The following EPB41L2 variants were observed in gnomAD, a reference collection of about 807,000 sequenced individuals.
EPB41L2 encodes erythrocyte membrane protein band 4.1 like 2.
Under a neutral mutation model 113.0 loss-of-function variants are expected in EPB41L2, and 43 were observed. That is an observed-to-expected ratio of 0.38 (90% CI 0.30 to 0.49). The LOEUF is 0.49. Among genes scored for constraint, EPB41L2 ranks in the 20% least tolerant of loss-of-function variants. The probability of loss-of-function intolerance (pLI) is 0.95; values close to 1 mark genes in which losing one functional copy is unlikely to be tolerated. For synonymous variants in EPB41L2, 442 were observed against 436.7 expected (o/e 1.01, Z -0.15); for missense variants, 1,147 against 1,223.4 (o/e 0.94, Z 0.93).
intron 11 of EPB41L2, among the ~76,000 whole-genome samples, chr6:130,886,884 T>C (rs985259068): frequency 1.3e-5 from 2 of 152,114 alleles, no homozygotes; most frequent in African/African-American, 4.8e-5. Context: ...CTGCCCTCCT[T>C]GGCCTCCTAA....
At chr6:131,036,956 T>C (rs953390472) in intron 1 of EPB41L2, among the ~76,000 whole-genome samples, 2 of 152,144 alleles carry the variant, frequency 1.3e-5, no homozygotes, top group Non-Finnish European at 2.9e-5. Flanking sequence ...GGTAAGTCGC[T>C]CTTAGGTTGC....
intron 1 of EPB41L2, among the ~76,000 whole-genome samples, chr6:130,988,878 CAGG>C: frequency 6.6e-6 from 1 of 152,298 alleles, no homozygotes; most frequent in East Asian, 1.9e-4. Flanking sequence ...CACCTGAGGT[CAGG>C]AGTTCAAGAC....
At chr6:130,843,965 A>G (rs1776259837) in intron 19 of EPB41L2, among the ~76,000 whole-genome samples, 1 of 152,198 alleles carries the variant, frequency 6.6e-6, no homozygotes. Context: ...CCCGAAAAGC[A>G]CAATCTTTGA....
At chr6:131,008,712 T>C (rs1022130098) in intron 1 of EPB41L2, among the ~76,000 whole-genome samples, 1 of 152,234 alleles carries the variant, frequency 6.6e-6, no homozygotes, top group African/African-American at 2.4e-5. Context: ...AACTCTTGCA[T>C]CATGATCTGG....
rs145216909 is a variant in EPB41L2, at chr6:130,927,597, G to A, written c.706-888C>T. Among the ~76,000 whole-genome samples, 346 of 152,202 alleles carry A rather than the reference G, an allele frequency of 2.3e-3. 1 individual carries two copies. Among genetic ancestry groups the A allele is most frequent in the African/African-American group, 7.6e-3 (317 of 41,522 alleles). ...CATCAGACTTTTCCATCCTCAAAAC[G>A]AATGCCCTCTCACTATCAAAATGTG... On this transcript the variant is annotated intron_variant, in intron 3 of 19. Coordinates refer to ENST00000337057, the MANE Select transcript of EPB41L2 (RefSeq NM_001431.4).
At chr6:130,876,100 G>C (rs1787485121) in intron 14 of EPB41L2, among the ~76,000 whole-genome samples, 1 of 152,110 alleles carries the variant, frequency 6.6e-6, no homozygotes, top group South Asian at 2.1e-4. Flanking sequence ...TGACCACCTG[G>C]CTAAGTAAAA....
At chr6:130,895,390 G>A (rs1294226156) in intron 8 of EPB41L2, among the ~76,000 whole-genome samples, 1 of 152,210 alleles carries the variant, frequency 6.6e-6, no homozygotes, top group Non-Finnish European at 1.5e-5. Flanking sequence ...TAATGCATAT[G>A]TTCTCAAGCT....
intron 1 of EPB41L2, among the ~76,000 whole-genome samples, chr6:131,054,613 G>A (rs113689195): frequency 1.9e-4 from 29 of 152,288 alleles, no homozygotes; most frequent in Admixed American, 5.2e-4. Context: ...CTGTTCGGGC[G>A]CCACTTGTGG....
At chr6:130,908,168 AG>A (rs1236191051) in intron 5 of EPB41L2, among the ~76,000 whole-genome samples, 2 of 152,248 alleles carry the variant, frequency 1.3e-5, no homozygotes, top group Non-Finnish European at 2.9e-5. Context: ...CAGAACGTAT[AG>A]AGAGAACTGA....
intron 5 of EPB41L2, 152 bp downstream of exon 5, chr6:130,908,669 C>T: frequency 1.9e-6 from 1 of 516,142 alleles, no homozygotes; most frequent in Non-Finnish European, 3.3e-6. Flanking sequence ...ATGTACGAAA[C>T]AGTCACAATT....
rs371088370 is a variant in EPB41L2, at chr6:130,924,201, T to G, written c.810+2404A>C. Among the ~76,000 whole-genome samples the G allele has an allele frequency of 2.2e-4, 34 of 152,340 alleles. 1 individual carries two copies. The highest frequency in any genetic ancestry group is 6.7e-4 in the African/African-American group (28 of 41,576). On this transcript the variant is annotated intron_variant, in intron 4 of 19. Coordinates refer to ENST00000337057, the MANE Select transcript of EPB41L2 (RefSeq NM_001431.4). Reference sequence around the variant, plus strand: ...TAGGTATTGATATGTACATACATATTCCATTGTATGTATACACCACATTTT... The same window carrying G: ...TAGGTATTGATATGTACATACATATGCCATTGTATGTATACACCACATTTT...
chr6:131,047,372 T>G (rs960119807), intron 1 of EPB41L2, among the ~76,000 whole-genome samples: 2 of 152,132 alleles, frequency 1.3e-5, no homozygotes, highest in African/African-American at 4.8e-5. Flanking sequence ...AAAATAAAAG[T>G]GCCTATAGAA....
At chr6:130,885,743 C>G (rs1790739826) in intron 11 of EPB41L2, among the ~76,000 whole-genome samples, 1 of 152,032 alleles carries the variant, frequency 6.6e-6, no homozygotes, top group African/African-American at 2.4e-5. Context: ...AATTTGAATA[C>G]CCTTCAAAAG....
intron 1 of EPB41L2, among the ~76,000 whole-genome samples, chr6:131,054,038 T>A (rs1354146642): frequency 6.6e-6 from 1 of 152,202 alleles, no homozygotes; most frequent in Admixed American, 6.5e-5. Context: ...TATCCCCATG[T>A]CATGAGGGTT....
rs956704379 is a variant in EPB41L2, at chr6:131,014,702, T to C, written c.-15+48453A>G. On this transcript the variant is annotated intron_variant, in intron 1 of 19. Coordinates refer to ENST00000337057, the MANE Select transcript of EPB41L2 (RefSeq NM_001431.4). The stretch of plus-strand genomic sequence containing the variant: ...TTTCAGAAACTGTCCAAAAACCCCA[T>C]ACACAAAAACAATAAGCAAAGGAAC... Among the ~76,000 whole-genome samples the C allele has an allele frequency of 3.3e-5, 5 of 152,052 alleles. No individual in the cohort carries two copies. The South Asian group carries it at 8.3e-4, about 25-fold the overall frequency.
chr6:130,885,336 C>A (rs545244126), intron 11 of EPB41L2, 68 bp from the exon 12 acceptor site: 153 of 1,517,474 alleles, frequency 1.0e-4, no homozygotes, highest in Admixed American at 7.8e-4. Flanking sequence ...GAAAATTTCC[C>A]CCTTACAGGA....
At chr6:130,892,034 G>T (rs1374373355) in intron 10 of EPB41L2, among the ~76,000 whole-genome samples, 1 of 152,126 alleles carries the variant, frequency 6.6e-6, no homozygotes, top group Admixed American at 6.5e-5. Context: ...AACTGCTTTT[G>T]TTAACCATTA....
chr6:130,892,948 A>C (rs1793453683), intron 10 of EPB41L2, among the ~76,000 whole-genome samples: 4 of 152,182 alleles, frequency 2.6e-5, no homozygotes. Context: ...ATTAGACCAT[A>C]AGTCCAGAGC....
intron 14 of EPB41L2, 49 bp downstream of exon 14, chr6:130,878,055 T>A: frequency 6.7e-7 from 1 of 1,502,918 alleles, no homozygotes; most frequent in Non-Finnish European, 8.9e-7. Context: ...ATTTAAGTTT[T>A]ATTGAGCAAC....
Sources: allele counts gnomAD v4.1 joint callset (sites outside exome capture counted in the v4.1 genomes callset), GRCh38; gene constraint gnomAD v4.1.1; transcripts MANE v1.5; gene names NCBI Gene and HGNC (gene_info 2026-07-23, HGNC 2026-07-21).